The following PCDHGA5 variants were observed in gnomAD, a reference collection of about 807,000 sequenced individuals.
PCDHGA5 encodes the protein protocadherin gamma subfamily A, 5, also known as protocadherin gamma-A5.
In PCDHGA5, 36 loss-of-function variants were observed where a neutral mutation model predicts 56.7. That is an observed-to-expected ratio of 0.64 (90% CI 0.49 to 0.84). The LOEUF is 0.84. Ranked by LOEUF, PCDHGA5 falls within the 40% of genes least tolerant of loss-of-function variation. The pLI, the probability that PCDHGA5 is intolerant of heterozygous loss-of-function variation, is 0.00. For missense variants in PCDHGA5, 1,305 were observed against 1,201.5 expected, an observed-to-expected ratio of 1.09 and a Z score of -1.27; for synonymous variants, 563 against 520.2, an observed-to-expected ratio of 1.08 and a Z score of -1.12.
intron 1 of PCDHGA5, among the ~76,000 whole-genome samples, chr5:141,452,761 G>A (rs1291983570): frequency 6.6e-6 from 1 of 152,036 alleles, no homozygotes; most frequent in East Asian, 1.9e-4. Flanking sequence ...AGGAAGGGAG[G>A]GAGGGAAAAC....
At chr5:141,405,118 G>C (rs368800698) in intron 1 of PCDHGA5, 2 of 1,613,946 alleles carry the variant, frequency 1.2e-6, no homozygotes, top group Non-Finnish European at 8.5e-7. Flanking sequence ...GGCACTCCTC[G>C]CATCTGCTGC....
intron 1 of PCDHGA5, chr5:141,414,187 T>A: frequency 6.2e-7 from 1 of 1,609,834 alleles, no homozygotes; most frequent in South Asian, 1.1e-5. Flanking sequence ...TGCAAAAGTG[T>A]TGATTACAGT....
In PCDHGA5 at chr5:141,384,701, A is replaced by G. The variant is rs775540555; in HGVS notation, c.2421+17950A>G. On this transcript the variant is annotated intron_variant, in intron 1 of 3. Transcript: ENST00000518069. ...GCGGTGGACAAAGATTCAGGCCAGA[A>G]CGCCTGGCTGTCATACCTCCTGCTT... is the stretch of plus-strand genomic sequence containing the variant. The G allele has an allele frequency of 8.7e-6, 14 of 1,614,138 alleles. No homozygotes were observed. In the South Asian group the frequency reaches 1.2e-4, roughly 14 times the overall value.
intron 1 of PCDHGA5, among the ~76,000 whole-genome samples, chr5:141,426,040 G>C (rs1032424646): frequency 2.0e-5 from 3 of 152,212 alleles, no homozygotes; most frequent in African/African-American, 7.2e-5. Flanking sequence ...GAGCCCTGCT[G>C]TTGGCCAATG....
chr5:141,433,508 A>G (rs2097615565), intron 1 of PCDHGA5, among the ~76,000 whole-genome samples: 1 of 152,068 alleles, frequency 6.6e-6, no homozygotes, highest in Non-Finnish European at 1.5e-5. Context: ...TGCTGGGATT[A>G]CAGGCGTGAA....
At chr5:141,410,746 C>T in intron 1 of PCDHGA5, 1 of 1,269,920 alleles carries the variant, frequency 7.9e-7, no homozygotes, top group Non-Finnish European at 1.1e-6. Flanking sequence ...ACAATATTTT[C>T]TCAATGTTTT....
At position 141,495,662 on chromosome 5, in the gene PCDHGA5, C is replaced by T. The variant is rs545912968; in HGVS notation, c.2480+797C>T. The stretch of plus-strand genomic sequence containing the variant: ...TTTGTCTACTTGCATTGATCTGTGC[C>T]GCCCACTGTGCCTGCCATGGCATAA... On this transcript the variant is annotated intron_variant, in intron 2 of 3. Coordinates refer to ENST00000518069, the MANE Select transcript of PCDHGA5 (RefSeq NM_018918.3). Among the ~76,000 whole-genome samples, 8 of 152,256 alleles carry T rather than the reference C, an allele frequency of 5.3e-5. No individual in the cohort carries two copies. In the South Asian group the frequency reaches 6.2e-4, roughly 12 times the overall value.
Position 141,480,177 on chromosome 5 carries a change from G to T in PCDHGA5, c.2422-14630G>T, listed in dbSNP as rs570721769. 4.6e-5 allele frequency among the ~76,000 whole-genome samples: 7 copies of T among 152,066 alleles called. No homozygotes were observed. In the South Asian group the frequency reaches 6.3e-4, roughly 14 times the overall value. ...CTAGCATTTTGGGAGGCTGAGGCAGGCGGATTGCTTGAGGCCAGCAGTTCA... is the reference window on the plus strand; with the variant it reads ...CTAGCATTTTGGGAGGCTGAGGCAGTCGGATTGCTTGAGGCCAGCAGTTCA... On this transcript the variant is annotated intron_variant, in intron 1 of 3. Coordinates refer to ENST00000518069, the MANE Select transcript of PCDHGA5 (RefSeq NM_018918.3).
At chr5:141,385,370 A>G (rs1165174523) in intron 1 of PCDHGA5, 1 of 1,530,088 alleles carries the variant, frequency 6.5e-7, no homozygotes, top group South Asian at 1.3e-5. Flanking sequence ...TATTTGCATG[A>G]TATTTCTCTA....
At position 141,423,009 on chromosome 5, in the gene PCDHGA5, G is replaced by A. The variant is rs371209178; in HGVS notation, c.2421+56258G>A. 28 of 1,614,222 alleles carry A rather than the reference G, an allele frequency of 1.7e-5. No individual in the cohort carries two copies. The East Asian group carries it at 4.9e-4, about 28-fold the overall frequency. On this transcript the variant is annotated intron_variant, in intron 1 of 3. Transcript: ENST00000518069. ...GCTACCTGGTGACCAAGGTGGTTGC[G>A]GTGGACAAAGATTCAGGCCAGAACG...
chr5:141,427,712 C>T, intron 1 of PCDHGA5: 2 of 1,051,468 alleles, frequency 1.9e-6, no homozygotes, highest in African/African-American at 1.6e-5. Context: ...GCGCCTCTGA[C>T]CTGGACCTAG....
intron 1 of PCDHGA5, among the ~76,000 whole-genome samples, chr5:141,430,380 TG>T (rs1376875091): frequency 6.8e-6 from 1 of 147,890 alleles, no homozygotes; most frequent in Non-Finnish European, 1.5e-5. Flanking sequence ...AAAAGCTCAT[TG>T]GGAAAAAAAA....
At chr5:141,470,511 A>T (rs1043414941) in intron 1 of PCDHGA5, among the ~76,000 whole-genome samples, 37 of 152,198 alleles carry the variant, frequency 2.4e-4, no homozygotes, top group African/African-American at 8.7e-4. Flanking sequence ...TTAGACAGTT[A>T]GCTAATATTA....
At chr5:141,383,700 C>T (rs753632881) in intron 1 of PCDHGA5, 1 of 1,613,936 alleles carries the variant, frequency 6.2e-7, no homozygotes, top group East Asian at 2.2e-5. Flanking sequence ...TACATGCTAT[C>T]GACCTGGACG....
chr5:141,376,144 G>C, intron 1 of PCDHGA5: 1 of 1,613,918 alleles, frequency 6.2e-7, no homozygotes, highest in Non-Finnish European at 8.5e-7. Context: ...CCAACGATTC[G>C]GACCTCACTC....
intron 1 of PCDHGA5, chr5:141,372,658 G>A: frequency 1.9e-6 from 3 of 1,614,020 alleles, no homozygotes; most frequent in African/African-American, 1.3e-5. Context: ...TACAATCCGT[G>A]TGCTGCCTCA....
intron 1 of PCDHGA5, chr5:141,409,411 AC>A (rs1172458730): frequency 6.2e-7 from 1 of 1,614,004 alleles, no homozygotes; most frequent in African/African-American, 1.3e-5. Flanking sequence ...ACTACTACAA[AC>A]TGGTGACAGA....
chr5:141,508,800 C>A (rs973992018), intron 3 of PCDHGA5, among the ~76,000 whole-genome samples: 1 of 152,086 alleles, frequency 6.6e-6, no homozygotes, highest in African/African-American at 2.4e-5. Context: ...CTCTGGAATC[C>A]TGGCTCTTTG....
chr5:141,487,001 C>T lies in PCDHGA5; in HGVS notation c.2422-7806C>T. ...TTACAATGCTTGGGTTTCCTATCAG[C>T]TCCTGGAGGCCCCAGATCCCAGCCT... On this transcript the variant is annotated intron_variant, in intron 1 of 3. Transcript: ENST00000518069. This position sits in a 1 kb window ranked among gnomAD's most constrained non-coding sequence, Gnocchi z 5.0. 6.2e-7 allele frequency: 1 copy of T among 1,614,218 alleles called. No individual in the cohort carries two copies. The highest frequency in any genetic ancestry group is 8.5e-7 in the Non-Finnish European group (1 of 1,180,038).
Sources: allele counts gnomAD v4.1 joint callset (sites outside exome capture counted in the v4.1 genomes callset), GRCh38; gene constraint gnomAD v4.1.1; non-coding constraint Gnocchi (gnomAD v3.1); transcripts MANE v1.5; gene names NCBI Gene and HGNC (gene_info 2026-07-23, HGNC 2026-07-21).